Variants in ASIP observed in about 807,000 individuals in gnomAD.
ASIP encodes the protein agouti-signaling protein.
ASIP carries 11 observed loss-of-function variants against 10.3 expected under a neutral mutation model. The observed-to-expected ratio is 1.07, with a 90% confidence interval of 0.68 to 1.78. The LOEUF is 1.78. ASIP is among the 40% of genes most tolerant of loss of function. The probability of loss-of-function intolerance (pLI) is 0.00; values close to 1 mark genes in which losing one functional copy is unlikely to be tolerated. For synonymous variants in ASIP, 70 were observed against 70.8 expected (o/e 0.99, Z 0.06); for missense variants, 180 against 169.2 (o/e 1.06, Z -0.35).
intron 1 of ASIP, among the ~76,000 whole-genome samples, chr20:34,248,067 A>G (rs2035410913): frequency 6.6e-6 from 1 of 152,138 alleles, no homozygotes; most frequent in Non-Finnish European, 1.5e-5. Context: ...TTAGCCTGGC[A>G]TGGTGATGGG....
Position 34,254,709 on chromosome 20 carries a change from A to G in ASIP, c.-10-5656A>G, listed in dbSNP as rs547065067. ...ATATGTGGTTTAACATAATATATGG[A>G]TGATACTATTTTTCTAACGTTCACA... On this transcript the variant is annotated intron_variant, in intron 1 of 3. Coordinates refer to ENST00000374954, the MANE Select transcript of ASIP (RefSeq NM_001672.3). Among the ~76,000 whole-genome samples, 5 of 152,288 alleles carry G rather than the reference A, an allele frequency of 3.3e-5. No individual in the cohort carries two copies. In the South Asian group the frequency reaches 8.3e-4, roughly 25 times the overall value.
At chr20:34,220,534 GC>G (rs2035038811) in intron 1 of ASIP, among the ~76,000 whole-genome samples, 1 of 151,902 alleles carries the variant, frequency 6.6e-6, no homozygotes, top group African/African-American at 2.4e-5. Flanking sequence ...GGCAGAGGTT[GC>G]AGTGTGCTGA....
At chr20:34,228,056 A>T (rs1244768722) in intron 1 of ASIP, among the ~76,000 whole-genome samples, 1 of 152,030 alleles carries the variant, frequency 6.6e-6, no homozygotes, top group African/African-American at 2.4e-5. Flanking sequence ...ACTTCAATTC[A>T]TAACTTCACA....
intron 1 of ASIP, among the ~76,000 whole-genome samples, chr20:34,232,559 T>G (rs1381635583): frequency 6.6e-6 from 1 of 152,170 alleles, no homozygotes; most frequent in Non-Finnish European, 1.5e-5. Context: ...CAACCACCTG[T>G]GAATAAGTCT....
chr20:34,210,463 A>G (rs752465875), intron 1 of ASIP, among the ~76,000 whole-genome samples: 1 of 152,210 alleles, frequency 6.6e-6, no homozygotes, highest in Non-Finnish European at 1.5e-5. Flanking sequence ...TGCCTGCCCC[A>G]CAGCAGCTGA....
intron 2 of ASIP, 106 bp downstream of exon 2, chr20:34,260,640 C>T: frequency 7.9e-7 from 1 of 1,269,796 alleles, no homozygotes; most frequent in Non-Finnish European, 1.1e-6. Flanking sequence ...ACGGCTCCTT[C>T]TTGCTCGTTC....
chr20:34,258,152 A>T (rs2035605537), intron 1 of ASIP, among the ~76,000 whole-genome samples: 1 of 152,004 alleles, frequency 6.6e-6, no homozygotes, highest in Non-Finnish European at 1.5e-5. Flanking sequence ...TTAAAAAAAA[A>T]AAGAGAGAAA....
intron 1 of ASIP, among the ~76,000 whole-genome samples, chr20:34,198,221 C>T (rs547427292): frequency 6.6e-6 from 1 of 152,122 alleles, no homozygotes; most frequent in Admixed American, 6.5e-5. Flanking sequence ...TCCCAAGTAG[C>T]TGGGACTACA....
At chr20:34,235,766 C>T (rs959113473) in intron 1 of ASIP, among the ~76,000 whole-genome samples, 2 of 140,488 alleles carry the variant, frequency 1.4e-5, no homozygotes, top group East Asian at 4.2e-4. Context: ...GCCTGTGTGA[C>T]AGAGTGAGAC....
At chr20:34,204,262 C>A (rs2034920305) in intron 1 of ASIP, among the ~76,000 whole-genome samples, 1 of 144,288 alleles carries the variant, frequency 6.9e-6, no homozygotes, top group Non-Finnish European at 1.5e-5. Flanking sequence ...CACTTGTTGT[C>A]CAGGCTGGAG....
At chr20:34,258,368 C>G (rs1458218627) in intron 1 of ASIP, among the ~76,000 whole-genome samples, 1 of 146,540 alleles carries the variant, frequency 6.8e-6, no homozygotes, top group African/African-American at 2.5e-5. Context: ...TTAATAGAAT[C>G]ATTTAAAAAT....
At chr20:34,227,148 A>T (rs2035098644) in intron 1 of ASIP, among the ~76,000 whole-genome samples, 1 of 152,204 alleles carries the variant, frequency 6.6e-6, no homozygotes. Context: ...AGCAAGTTTG[A>T]AGCATACAAG....
In ASIP at chr20:34,219,856, G is replaced by A. The variant is rs958061662; in HGVS notation, c.-11+25096G>A. Among the ~76,000 whole-genome samples the A allele has an allele frequency of 4.6e-5, 7 of 152,288 alleles. No individual in the cohort carries two copies. The East Asian group carries it at 7.7e-4, about 17-fold the overall frequency. ...TGTAATCCCAGCACTTTGGGAGGCC[G>A]AGGCAGGCGGATCATGAGGTCAGGA... On this transcript the variant is annotated intron_variant, in intron 1 of 3. Transcript: ENST00000568305.
At chr20:34,212,344 C>G (rs1450722101) in intron 1 of ASIP, among the ~76,000 whole-genome samples, 2 of 152,136 alleles carry the variant, frequency 1.3e-5, no homozygotes, top group Non-Finnish European at 2.9e-5. Flanking sequence ...CACTCTCTTT[C>G]TTCAAATGTG....
intron 1 of ASIP, among the ~76,000 whole-genome samples, chr20:34,197,097 G>A (rs1294948123): frequency 1.3e-5 from 2 of 151,936 alleles, no homozygotes; most frequent in African/African-American, 2.4e-5. Context: ...ATAGCAGGTC[G>A]GGTGCAGTGG....
At chr20:34,216,446 G>T (rs529268427) in intron 1 of ASIP, among the ~76,000 whole-genome samples, 1 of 152,142 alleles carries the variant, frequency 6.6e-6, no homozygotes, top group Admixed American at 6.5e-5. Context: ...AAATTTTCTT[G>T]AAGTCCAATA....
intron 1 of ASIP, among the ~76,000 whole-genome samples, chr20:34,209,636 C>G (rs1364938382): frequency 1.3e-5 from 2 of 152,248 alleles, no homozygotes; most frequent in Non-Finnish European, 2.9e-5. Flanking sequence ...ACTGTCACAA[C>G]CCAGCCGTGT....
intron 1 of ASIP, among the ~76,000 whole-genome samples, chr20:34,208,297 A>G (rs2034950840): frequency 1.3e-5 from 2 of 152,144 alleles, no homozygotes; most frequent in South Asian, 4.2e-4. Flanking sequence ...GCTGTTCCAT[A>G]TAAATTTTAG....
At chr20:34,260,713 T>A (rs1429785021) in intron 2 of ASIP, among the ~76,000 whole-genome samples, 179 bp downstream of exon 2, 1 of 152,214 alleles carries the variant, frequency 6.6e-6, no homozygotes, top group Admixed American at 6.5e-5. Flanking sequence ...AAGCTCTGCA[T>A]GCCACCAGTC....
Sources: gnomAD v4.1 joint callset for allele counts (sites outside exome capture counted in the v4.1 genomes callset) on GRCh38, gnomAD v4.1.1 for gene constraint, MANE v1.5 for transcripts, NCBI Gene and HGNC (gene_info 2026-07-23, HGNC 2026-07-21) for gene names.